CD200: variants seen among roughly 807,000 people sequenced by gnomAD.
CD200 encodes the protein CD200 molecule, also known as OX-2 membrane glycoprotein.
Under a neutral mutation model 30.9 loss-of-function variants are expected in CD200, and 15 were observed. That is an observed-to-expected ratio of 0.49 (90% CI 0.32 to 0.75). CD200 has a LOEUF of 0.75. Ranked by LOEUF, CD200 falls within the 30% of genes least tolerant of loss-of-function variation. The pLI is 0.03. For synonymous variants in CD200, 134 were observed against 126.2 expected (o/e 1.06, Z -0.41); for missense variants, 262 against 324.2 (o/e 0.81, Z 1.47).
In CD200 at chr3:112,342,353, CTTTCTTTCT is replaced by C. The variant is rs1245832692; in HGVS notation, c.94+1373_94+1381del. Among the ~76,000 whole-genome samples the C allele has an allele frequency of 1.1e-3, 11 of 10,392 alleles. 1 individual carries two copies. The highest frequency in any genetic ancestry group is 4.1e-3 in the African/African-American group (11 of 2,712). The allele number at this position is 10,392 out of a possible 152,430, so 6.8% of individuals were successfully genotyped here. A position where few individuals can be genotyped will look rare whatever the true frequency, so the allele number is the denominator to read the frequency against. On this transcript the variant is annotated intron_variant, in intron 2 of 5. Transcript: ENST00000315711. Reference sequence around the variant, plus strand: ...TCTTTCTTTCCTTCTTTCTTTCTTTCTTTCTTTCTTTCTTTCTTTCTTTCTTTCTTTCTT... The same window carrying C: ...TCTTTCTTTCCTTCTTTCTTTCTTTCTTCTTTCTTTCTTTCTTTCTTTCTT...
At chr3:112,336,489 G>A (rs1249973369) in intron 1 of CD200, among the ~76,000 whole-genome samples, 1 of 151,950 alleles carries the variant, frequency 6.6e-6, no homozygotes, top group Non-Finnish European at 1.5e-5. Context: ...GTATCTAAAA[G>A]GAATGGCAAA....
intron 5 of CD200, among the ~76,000 whole-genome samples, chr3:112,353,314 C>G (rs1004912492): frequency 6.6e-6 from 1 of 151,990 alleles, no homozygotes; most frequent in Non-Finnish European, 1.5e-5. Flanking sequence ...GTTTGGTTTG[C>G]TTTGCTTTGG....
At chr3:112,342,329 CTTTCTTTCCTTCTTTCT>C (rs1559783101) in intron 2 of CD200, among the ~76,000 whole-genome samples, 290 of 26,476 alleles carry the variant, frequency 0.011, 42 homozygotes, top group African/African-American at 0.026. Context: ...TTCTTTCTTT[CTTTCTTTCCTTCTTTCT>C]TTCTTTCTTT....
rs1357540228 is a variant in CD200, at chr3:112,333,162, C to T, written c.-51C>T. 21 of 1,547,848 alleles carry T rather than the reference C, an allele frequency of 1.4e-5. No homozygotes were observed. In the Admixed American group the frequency reaches 1.6e-4, roughly 12 times the overall value. ...CTCCTCCCGCCTGCCTAGCAGAGCT[C>T]CAGGCGCACATCCGCAGTCAGCCAC... On this transcript the variant is annotated 5_prime_UTR_variant, in exon 1 of 6. Coordinates refer to ENST00000315711, the MANE Select transcript of CD200 (RefSeq NM_005944.7).
chr3:112,344,867 A>G lies in CD200; in HGVS notation c.95-95A>G, dbSNP rs149423229. The G allele has an allele frequency of 2.3e-4, 215 of 950,682 alleles. No homozygotes were observed. The African/African-American group carries it at 3.3e-3, about 14-fold the overall frequency. 58.9% of individuals were successfully genotyped at this position (950,682 alleles called of 1,614,324 possible). A position where few individuals can be genotyped will look rare whatever the true frequency, so the allele number is the denominator to read the frequency against. ...TTTTTGCATTTTCTCTTTCTTTTCT[A>G]TATTTGACATTGAATATACATTTTA... On this transcript the variant is annotated intron_variant, in intron 2 of 5. Transcript: ENST00000315711.
chr3:112,347,809 T>G lies in CD200; in HGVS notation c.673T>G (p.Phe225Val), dbSNP rs541697977. ...QVLHLGTVTDFKQTVNKGYWF... is the reference protein window; with the variant it reads ...QVLHLGTVTDVKQTVNKGYWF... ...GCTGCACCTGGGGACTGTGACCGAC[T>G]TTAAGCAAACCGTCAACAAAGGTAA... Residue 225 changes from phenylalanine to valine, a missense_variant, in exon 4 of 6, where the codon TTT (phenylalanine) becomes GTT (valine). Phe to Val is a conservative substitution (Grantham distance 50, BLOSUM62 -1). Transcript: ENST00000315711. The G allele has an allele frequency of 3.3e-5, 53 of 1,613,534 alleles. No homozygotes were observed. The Admixed American group carries it at 8.5e-4, about 26-fold the overall frequency.
At chr3:112,360,326 T>TAAAAATAA (rs1553721422) in intron 5 of CD200, among the ~76,000 whole-genome samples, 3 of 119,160 alleles carry the variant, frequency 2.5e-5, no homozygotes, top group Non-Finnish European at 3.4e-5. Context: ...AGACTTCATC[T>TAAAAATAA]AAAAAAAATA....
intron 5 of CD200, among the ~76,000 whole-genome samples, chr3:112,359,287 A>G (rs73227438): frequency 0.23 from 35,175 of 152,058 alleles, 4,282 homozygotes; most frequent in Non-Finnish European, 0.27. Context: ...AATGTATACT[A>G]GTGATCTTTA....
intron 1 of CD200, chr3:112,334,182 A>G: frequency 2.0e-6 from 2 of 985,358 alleles, no homozygotes; most frequent in Non-Finnish European, 2.4e-6. Flanking sequence ...AAACAGGCGG[A>G]AAGGCTGATA....
At position 112,333,244 on chromosome 3, in the gene CD200, G is replaced by A; in HGVS notation, c.12+20G>A. Reference sequence around the variant, plus strand: ...AGGCTGGTGAGCGGGGCCGGGGCTTGGGAAGGAGGGCGCAGGGCAGGCGAT... The same window carrying A: ...AGGCTGGTGAGCGGGGCCGGGGCTTAGGAAGGAGGGCGCAGGGCAGGCGAT... On this transcript the variant is annotated intron_variant, in intron 1 of 5. Transcript: ENST00000315711. 6.5e-7 allele frequency: 1 copy of A among 1,548,836 alleles called. No homozygotes were observed. The highest frequency in any genetic ancestry group is 8.7e-7 in the Non-Finnish European group (1 of 1,146,148).
chr3:112,349,707 TATA>T lies in CD200; in HGVS notation c.695-4_695-2del. ...TTTTCCTTTTTCTTTCTTCAATATC[TATA>T]GGCTATTGGTTTTCAGTTCCGCTAT... On this transcript the variant is annotated splice_acceptor_variant and splice_polypyrimidine_tract_variant and intron_variant, in intron 4 of 5. Coordinates refer to ENST00000315711, the MANE Select transcript of CD200 (RefSeq NM_005944.7). LOFTEE classifies it high-confidence loss of function. 1 of 1,608,874 alleles carries T rather than the reference TATA, an allele frequency of 6.2e-7. No homozygotes were observed. Among genetic ancestry groups the T allele is most frequent in the African/African-American group, 1.3e-5 (1 of 74,868 alleles).
In CD200 at chr3:112,349,692, T is replaced by A; in HGVS notation, c.695-20T>A. On this transcript the variant is annotated intron_variant, in intron 4 of 5. Transcript: ENST00000315711. ...CCTCATGTGATGTCATTTTCCTTTT[T>A]CTTTCTTCAATATCTATAGGCTATT... 1 of 1,590,150 alleles carries A rather than the reference T, an allele frequency of 6.3e-7. No homozygotes were observed. Among genetic ancestry groups the A allele is most frequent in the East Asian group, 2.2e-5 (1 of 44,566 alleles).
At chr3:112,342,353 CT>C (rs1229661002) in intron 2 of CD200, among the ~76,000 whole-genome samples, 5 of 10,392 alleles carry the variant, frequency 4.8e-4, no homozygotes, top group African/African-American at 1.8e-3. Context: ...TTCTTTCTTT[CT>C]TTCTTTCTTT....
At position 112,335,688 on chromosome 3, in the gene CD200, T is replaced by C. The variant is rs59444768; in HGVS notation, c.12+2464T>C. 553 of 450,456 alleles carry C rather than the reference T, an allele frequency of 1.2e-3. 5 individuals carry two copies. The East Asian group carries it at 0.016, about 13-fold the overall frequency. 27.9% of individuals were successfully genotyped at this position (450,456 alleles called of 1,614,324 possible). On this transcript the variant is annotated intron_variant, in intron 1 of 5. Transcript: ENST00000315711. ...GAGACATCATTCCTTCCAGGACATC[T>C]ATCCTGAAAGATCCATCAGGAATAC... is the stretch of plus-strand genomic sequence containing the variant.
At chr3:112,333,089 G>A, upstream of CD200, 4 of 1,426,490 alleles carry the variant, frequency 2.8e-6, no homozygotes, top group Non-Finnish European at 3.8e-6. Flanking sequence ...GGAGAAGGGG[G>A]CTAGCGAGGA....
At chr3:112,349,069 T>C (rs1450793179) in intron 4 of CD200, among the ~76,000 whole-genome samples, 1 of 152,198 alleles carries the variant, frequency 6.6e-6, no homozygotes, top group Admixed American at 6.5e-5. Flanking sequence ...TAAATAATGA[T>C]GTGACGAATC....
At chr3:112,333,663 G>C (rs1002815211) in intron 1 of CD200, 8 of 985,448 alleles carry the variant, frequency 8.1e-6, no homozygotes, top group Non-Finnish European at 9.6e-6. Flanking sequence ...GGCACCAAAA[G>C]CTGCGGCGGA....
chr3:112,333,534 C>A (rs940865812), intron 1 of CD200: 5 of 985,418 alleles, frequency 5.1e-6, no homozygotes, highest in African/African-American at 1.7e-5. Context: ...ACGAAGCTGG[C>A]GCATCCTCCG....
chr3:112,347,473 A>G, intron 3 of CD200, 85 bp from the exon 4 acceptor site: 4 of 1,308,228 alleles, frequency 3.1e-6, no homozygotes, highest in Non-Finnish European at 4.3e-6. Flanking sequence ...TTCTATAAGC[A>G]TATTTCCTTC....
Sources: gnomAD v4.1 joint callset for allele counts (sites outside exome capture counted in the v4.1 genomes callset) on GRCh38, gnomAD v4.1.1 for gene constraint, MANE v1.5 for transcripts, NCBI Gene and HGNC (gene_info 2026-07-23, HGNC 2026-07-21) for gene names.